SMIM20: variants seen among roughly 807,000 people sequenced by gnomAD.
The protein encoded by SMIM20 is small integral membrane protein 20, also known as mitochondrial translation regulation assembly intermediate of cytochrome c oxidase protein of 7 kDa.
A neutral mutation model predicts 8.7 loss-of-function variants in SMIM20; 3 were observed. The ratio of observed to expected loss-of-function variants is 0.34; its 90% confidence interval spans 0.16 to 0.89. The LOEUF (loss-of-function observed/expected upper bound fraction) is 0.89. Among genes scored for constraint, SMIM20 ranks in the 40% least tolerant of loss-of-function variants. The pLI, the probability that SMIM20 is intolerant of heterozygous loss-of-function variation, is 0.49. For missense variants in SMIM20, 85 were observed against 84.8 expected (o/e 1.00, Z -0.01); for synonymous variants, 44 against 33.6 (o/e 1.31, Z -1.07).
intron 1 of SMIM20, 41 bp from the exon 2 acceptor site, chr4:25,928,272 G>T (rs1425263819): frequency 6.5e-7 from 1 of 1,531,602 alleles, no homozygotes; most frequent in Admixed American, 2.1e-5. Flanking sequence ...CTCTCTCCCC[G>T]CCCCCCTTCT....
chr4:25,914,439 C>T lies in SMIM20; in HGVS notation c.109+17C>T. ...AGGAGTACAGTGAGTGATCTCTAAC[C>T]CCTTGCGGTGACCTGACTCCCCAAC... On this transcript the variant is annotated intron_variant, in intron 1 of 2. Transcript: ENST00000506197. 1.4e-6 allele frequency: 2 copies of T among 1,454,144 alleles called. No homozygotes were observed. Among genetic ancestry groups the T allele is most frequent in the Non-Finnish European group, 1.8e-6 (2 of 1,094,078 alleles). 90.1% of individuals were successfully genotyped at this position (1,454,144 alleles called of 1,614,324 possible). A position where few individuals can be genotyped will look rare whatever the true frequency, so the allele number is the denominator to read the frequency against.
Position 25,927,710 on chromosome 4 carries a change from C to T in SMIM20, c.110-603C>T, listed in dbSNP as rs1029241462. Among the ~76,000 whole-genome samples, 7 of 152,344 alleles carry T rather than the reference C, an allele frequency of 4.6e-5. No homozygotes were observed. The East Asian group carries it at 1.4e-3, about 29-fold the overall frequency. The stretch of plus-strand genomic sequence containing the variant: ...ATGAAATGCCCAATTTCTCTTGGCC[C>T]TTGCCTGTTGGACATCTCCAAAGAG... On this transcript the variant is annotated intron_variant, in intron 1 of 2. Coordinates refer to ENST00000506197, the MANE Select transcript of SMIM20 (RefSeq NM_001145432.3).
intron 1 of SMIM20, among the ~76,000 whole-genome samples, chr4:25,919,579 C>T (rs759499370): frequency 1.3e-5 from 2 of 152,030 alleles, no homozygotes; most frequent in African/African-American, 2.4e-5. Context: ...AACTCCTGAG[C>T]TCAGGCAATC....
chr4:25,927,760 A>G (rs770220001), intron 1 of SMIM20, among the ~76,000 whole-genome samples: 41 of 152,236 alleles, frequency 2.7e-4, no homozygotes, highest in Non-Finnish European at 8.8e-5. Flanking sequence ...TGTCGCTACA[A>G]TGTGCTAATT....
intron 1 of SMIM20, among the ~76,000 whole-genome samples, chr4:25,918,143 C>T (rs540346991): frequency 6.6e-5 from 10 of 152,024 alleles, no homozygotes; most frequent in African/African-American, 2.2e-4. Flanking sequence ...GGGGTTTCAC[C>T]GTGTTAGCCA....
intron 1 of SMIM20, among the ~76,000 whole-genome samples, chr4:25,915,864 G>GGGGGGGGGGGGGGT (rs1719081491): frequency 7.9e-6 from 1 of 126,656 alleles, no homozygotes; most frequent in African/African-American, 2.8e-5. Context: ...TGGGGCGGGG[G>GGGGGGGGGGGGGGT]GGGGGTCGAG....
intron 1 of SMIM20, 37 bp from the exon 2 acceptor site, chr4:25,928,276 C>T (rs562719095): frequency 1.3e-6 from 2 of 1,543,162 alleles, no homozygotes; most frequent in Non-Finnish European, 1.8e-6. Context: ...CTCCCCGCCC[C>T]CCTTCTAAAG....
chr4:25,919,886 A>G (rs1028178602), intron 1 of SMIM20, among the ~76,000 whole-genome samples: 3 of 152,186 alleles, frequency 2.0e-5, no homozygotes, highest in Admixed American at 2.0e-4. Context: ...TCAGCAAATC[A>G]GTTAACACCA....
At chr4:25,925,428 G>T (rs984640079) in intron 1 of SMIM20, among the ~76,000 whole-genome samples, 8 of 151,986 alleles carry the variant, frequency 5.3e-5, no homozygotes, top group African/African-American at 1.9e-4. Context: ...GTAGAGATGG[G>T]GTTTCGTCAC....
intron 1 of SMIM20, among the ~76,000 whole-genome samples, chr4:25,924,193 CAGCAACAAA>C (rs1407651304): frequency 6.6e-6 from 1 of 152,172 alleles, no homozygotes; most frequent in Admixed American, 6.5e-5. Context: ...TAGGTAACAG[CAGCAACAAA>C]AGCAACTGAA....
At chr4:25,916,986 T>C (rs924614226) in intron 1 of SMIM20, among the ~76,000 whole-genome samples, 15 of 152,210 alleles carry the variant, frequency 9.9e-5, no homozygotes, top group Admixed American at 5.9e-4. Flanking sequence ...AAGCACTTCC[T>C]ATATATTAAC....
chr4:25,921,204 G>A (rs1719196123), intron 1 of SMIM20, among the ~76,000 whole-genome samples: 1 of 152,200 alleles, frequency 6.6e-6, no homozygotes, highest in African/African-American at 2.4e-5. Flanking sequence ...GTGGCTATGG[G>A]AGTGGAGATA....
rs575201087 is a variant in SMIM20 at position 25,914,731 on chromosome 4, TAC to T, written c.109+311_109+312del. On this transcript the variant is annotated intron_variant, in intron 1 of 2. Transcript: ENST00000506197. ...TCGACGCTAAGTACCAGTTCATATTTACAGTTAAAATTCACTGAATGCCTATT... is the reference window on the plus strand; with the variant it reads ...TCGACGCTAAGTACCAGTTCATATTTAGTTAAAATTCACTGAATGCCTATT... Among the ~76,000 whole-genome samples the T allele has an allele frequency of 2.0e-5, 3 of 152,316 alleles. No individual in the cohort carries two copies. The South Asian group carries it at 6.2e-4, about 32-fold the overall frequency.
At chr4:25,923,160 G>A (rs1719228077) in intron 1 of SMIM20, among the ~76,000 whole-genome samples, 2 of 152,182 alleles carry the variant, frequency 1.3e-5, no homozygotes, top group Admixed American at 1.3e-4. Flanking sequence ...GTACAGTTCT[G>A]CTGTACTTCT....
At chr4:25,914,493 G>A (rs1405745019) in intron 1 of SMIM20, 71 bp downstream of exon 1, 6 of 1,341,630 alleles carry the variant, frequency 4.5e-6, no homozygotes, top group Non-Finnish European at 5.9e-6. Flanking sequence ...TGAGCTCCAC[G>A]TGGTGCCGTG....
rs546029492 is a variant in SMIM20, at chr4:25,918,948, A to C, written c.109+4526A>C. Among the ~76,000 whole-genome samples, 217 of 118,174 alleles carry C rather than the reference A, an allele frequency of 1.8e-3. 3 individuals are homozygous for C. The highest frequency in any genetic ancestry group is 6.9e-3 in the African/African-American group (207 of 30,142). 77.5% of individuals were successfully genotyped at this position (118,174 alleles called of 152,430 possible). A position where few individuals can be genotyped will look rare whatever the true frequency, so the allele number is the denominator to read the frequency against. The stretch of plus-strand genomic sequence containing the variant: ...AGTCTCGCTCTGTCGCCCAGGCCGG[A>C]CTGCGGACTGCAGTGGCGCAATCTC... On this transcript the variant is annotated intron_variant, in intron 1 of 2. Coordinates refer to ENST00000506197, the MANE Select transcript of SMIM20 (RefSeq NM_001145432.3).
intron 1 of SMIM20, among the ~76,000 whole-genome samples, chr4:25,926,170 C>T (rs554669453): frequency 6.6e-6 from 1 of 152,292 alleles, no homozygotes; most frequent in East Asian, 1.9e-4. Flanking sequence ...TTGCTCTTTT[C>T]CAAAGATAGG....
chr4:25,922,614 A>C (rs941950673), intron 1 of SMIM20, among the ~76,000 whole-genome samples: 1 of 152,092 alleles, frequency 6.6e-6, no homozygotes, highest in African/African-American at 2.4e-5. Flanking sequence ...CTTTCTTGTT[A>C]GGCCTTCTCT....
At chr4:25,921,812 G>C (rs1363393115) in intron 1 of SMIM20, among the ~76,000 whole-genome samples, 1 of 152,134 alleles carries the variant, frequency 6.6e-6, no homozygotes, top group Non-Finnish European at 1.5e-5. Context: ...AGCATAGGGG[G>C]TCAGAGGAAG....
Sources: gnomAD v4.1 joint callset for allele counts (sites outside exome capture counted in the v4.1 genomes callset) on GRCh38, gnomAD v4.1.1 for gene constraint, MANE v1.5 for transcripts, NCBI Gene and HGNC (gene_info 2026-07-23, HGNC 2026-07-21) for gene names.